Variants in LRMDA observed in about 807,000 individuals in gnomAD.
LRMDA encodes leucine rich melanocyte differentiation associated, also known as leucine-rich melanocyte differentiation-associated protein.
In LRMDA, 18 loss-of-function variants were observed where a neutral mutation model predicts 29.8. The ratio of observed to expected loss-of-function variants is 0.60; its 90% CI spans 0.42 to 0.90. The LOEUF (loss-of-function observed/expected upper bound fraction) is 0.90. LRMDA is among the 40% of genes least tolerant of loss of function. LRMDA has a pLI of 0.00. For synonymous variants in LRMDA, 125 were observed against 109.4 expected (o/e 1.14, Z -0.89); for missense variants, 273 against 273.9 (o/e 1.00, Z 0.02).
chr10:75,963,521 GT>G (rs1273184685), intron 2 of LRMDA, among the ~76,000 whole-genome samples: 1 of 152,170 alleles, frequency 6.6e-6, no homozygotes, highest in Non-Finnish European at 1.5e-5. Flanking sequence ...AGGGGTCCTT[GT>G]TGTCATGATG....
chr10:76,314,933 C>A (rs961433175), intron 5 of LRMDA, among the ~76,000 whole-genome samples: 4 of 152,202 alleles, frequency 2.6e-5, no homozygotes, highest in Non-Finnish European at 5.9e-5. Flanking sequence ...TTGCATATTA[C>A]CATGAGTTGA....
rs574226128 is a variant in LRMDA, at chr10:75,645,965, C to CT, written c.131+207479dup. ...TTTCACTCTTTTCCTTGTTCCCTGT[C>CT]TTTTTTTTCCTGCTCCTTTCCTGCC... On this transcript the variant is annotated intron_variant, in intron 2 of 6. Transcript: ENST00000611255. Among the ~76,000 whole-genome samples, 12 of 151,868 alleles carry CT rather than the reference C, an allele frequency of 7.9e-5. No homozygotes were observed. The South Asian group carries it at 1.0e-3, about 13-fold the overall frequency.
At chr10:76,128,234 G>A (rs914133502) in intron 5 of LRMDA, among the ~76,000 whole-genome samples, 9 of 151,450 alleles carry the variant, frequency 5.9e-5, no homozygotes, top group Admixed American at 4.6e-4. Flanking sequence ...GAAGCAGAAG[G>A]TGTGTGTGTG....
At position 75,798,754 on chromosome 10, in the gene LRMDA, A is replaced by G. The variant is rs939142753; in HGVS notation, c.132-237254A>G. Reference sequence around the variant, plus strand: ...TTAGAAGTGTATAGTTTAATTTTCAATTATATGTGTTTTCTAGATATCTTT... The same window carrying G: ...TTAGAAGTGTATAGTTTAATTTTCAGTTATATGTGTTTTCTAGATATCTTT... On this transcript the variant is annotated intron_variant, in intron 2 of 6. Coordinates refer to ENST00000611255, the MANE Select transcript of LRMDA (RefSeq NM_001305581.2). Among the ~76,000 whole-genome samples, 11 of 152,004 alleles carry G rather than the reference A, an allele frequency of 7.2e-5. No individual in the cohort carries two copies. In the East Asian group the frequency reaches 2.1e-3, roughly 29 times the overall value.
chr10:75,454,904 T>C (rs1844498659), intron 2 of LRMDA, among the ~76,000 whole-genome samples: 1 of 152,222 alleles, frequency 6.6e-6, no homozygotes, highest in African/African-American at 2.4e-5. Context: ...TGAGGAGCAC[T>C]GTATTTGTTC....
At chr10:76,519,821 G>A (rs1231351069) in intron 6 of LRMDA, among the ~76,000 whole-genome samples, 1 of 151,932 alleles carries the variant, frequency 6.6e-6, no homozygotes, top group East Asian at 1.9e-4. Flanking sequence ...TTCTTATGGA[G>A]CTGTTAATAA....
chr10:76,294,509 G>A (rs1240885747), intron 5 of LRMDA, among the ~76,000 whole-genome samples: 2 of 152,080 alleles, frequency 1.3e-5, no homozygotes, highest in African/African-American at 4.8e-5. Flanking sequence ...ACTTGAATTT[G>A]TCCTTGTCCC....
At chr10:76,204,955 G>A (rs1297773325) in intron 5 of LRMDA, among the ~76,000 whole-genome samples, 1 of 152,126 alleles carries the variant, frequency 6.6e-6, no homozygotes, top group Non-Finnish European at 1.5e-5. Flanking sequence ...ATATGACAGT[G>A]ACATACTCAT....
At chr10:75,645,652 G>C (rs16932456) in intron 2 of LRMDA, among the ~76,000 whole-genome samples, 18,993 of 152,160 alleles carry the variant, frequency 0.12, 1,279 homozygotes, top group Middle Eastern at 0.18. Flanking sequence ...CTTGACTTAA[G>C]GGGTGGACGC....
intron 5 of LRMDA, among the ~76,000 whole-genome samples, chr10:76,157,760 T>G (rs1038383997): frequency 5.3e-5 from 8 of 151,884 alleles, no homozygotes; most frequent in Non-Finnish European, 1.2e-4. Context: ...CACTTAGCAA[T>G]GGGGATACAT....
intron 2 of LRMDA, among the ~76,000 whole-genome samples, chr10:75,558,106 T>A (rs1784551986): frequency 6.6e-6 from 1 of 151,658 alleles, no homozygotes; most frequent in African/African-American, 2.4e-5. Flanking sequence ...GATTGGGAAA[T>A]GTATACAACT....
At chr10:76,465,237 T>C (rs1026653834) in intron 6 of LRMDA, among the ~76,000 whole-genome samples, 1 of 152,138 alleles carries the variant, frequency 6.6e-6, no homozygotes, top group African/African-American at 2.4e-5. Flanking sequence ...CCAGGAATAT[T>C]TGTGGCCATG....
intron 2 of LRMDA, among the ~76,000 whole-genome samples, chr10:75,628,709 C>A (rs896939981): frequency 1.3e-5 from 2 of 152,192 alleles, no homozygotes; most frequent in Non-Finnish European, 2.9e-5. Context: ...AGCCAGGGGA[C>A]CCCCAGCACT....
chr10:75,578,833 G>GAA (rs138199632), intron 2 of LRMDA, among the ~76,000 whole-genome samples: 12,925 of 135,342 alleles, frequency 0.095, 783 homozygotes, highest in East Asian at 0.32. Context: ...GATGTTCTTT[G>GAA]AAAAAAAAAA....
At chr10:75,524,482 G>A (rs1304385151) in intron 2 of LRMDA, among the ~76,000 whole-genome samples, 1 of 152,154 alleles carries the variant, frequency 6.6e-6, no homozygotes, top group Non-Finnish European at 1.5e-5. Context: ...GCGTCTTGGT[G>A]TGAGAGAATA....
chr10:75,441,654 C>T (rs181430712), intron 2 of LRMDA, among the ~76,000 whole-genome samples: 24 of 152,272 alleles, frequency 1.6e-4, no homozygotes, highest in African/African-American at 5.8e-4. Flanking sequence ...CTTTTCCATG[C>T]CACTTACCAT....
At chr10:75,923,691 A>G (rs1885820) in intron 2 of LRMDA, among the ~76,000 whole-genome samples, 3,027 of 152,226 alleles carry the variant, frequency 0.02, 107 homozygotes, top group African/African-American at 0.07. Context: ...GAAGAGCTCT[A>G]CTTTCTCTGC....
At chr10:75,514,302 C>CCTT (rs1289387145) in intron 2 of LRMDA, among the ~76,000 whole-genome samples, 2 of 150,808 alleles carry the variant, frequency 1.3e-5, no homozygotes, top group East Asian at 1.9e-4. Context: ...CCTCCTTTTT[C>CCTT]CTTCTTCTTC....
intron 6 of LRMDA, among the ~76,000 whole-genome samples, chr10:76,451,719 G>T (rs552675191): frequency 6.7e-6 from 1 of 148,630 alleles, no homozygotes; most frequent in South Asian, 2.1e-4. Flanking sequence ...GTGCAATGGT[G>T]TGCTCTTGTC....
Sources: allele counts gnomAD v4.1 joint callset (sites outside exome capture counted in the v4.1 genomes callset), GRCh38; gene constraint gnomAD v4.1.1; transcripts MANE v1.5; gene names NCBI Gene and HGNC (gene_info 2026-07-23, HGNC 2026-07-21).